The following LPP variants were observed in gnomAD, a reference collection of about 807,000 sequenced individuals.
The protein encoded by LPP is LIM domain containing preferred translocation partner in lipoma.
In LPP, 38 loss-of-function variants were observed where a neutral mutation model predicts 60.4. The ratio of observed to expected loss-of-function variants is 0.63; its 90% confidence interval spans 0.49 to 0.83. The LOEUF (loss-of-function observed/expected upper bound fraction) is 0.83. LPP is among the 40% of genes least tolerant of loss of function. The pLI is 0.00. For missense variants in LPP, 902 were observed against 783.6 expected (o/e 1.15, Z -1.80); for synonymous variants, 328 against 290.8 (o/e 1.13, Z -1.30).
chr3:188,788,831 C>T (rs948982869), intron 9 of LPP, among the ~76,000 whole-genome samples: 3 of 152,202 alleles, frequency 2.0e-5, no homozygotes, highest in African/African-American at 4.8e-5. Context: ...GTGAATCTTG[C>T]CAGCACTCAT....
chr3:188,872,551 C>A, intron 10 of LPP, 92 bp from the exon 11 acceptor site: 2 of 1,422,218 alleles, frequency 1.4e-6, no homozygotes, highest in Non-Finnish European at 2.0e-6. Flanking sequence ...GCAGGTATAC[C>A]GACTCTCAGT....
chr3:188,285,075 G>T (rs1333201993), intron 2 of LPP, among the ~76,000 whole-genome samples: 1 of 152,078 alleles, frequency 6.6e-6, no homozygotes, highest in Non-Finnish European at 1.5e-5. Context: ...CTGGTTGTGA[G>T]TCCCGGCCCT....
intron 6 of LPP, among the ~76,000 whole-genome samples, chr3:188,601,827 G>C (rs1218282759): frequency 6.6e-6 from 1 of 151,934 alleles, no homozygotes; most frequent in Admixed American, 6.6e-5. Flanking sequence ...CCAACATTTT[G>C]GGAGGCCAAG....
At chr3:188,512,997 A>G (rs912951591) in intron 5 of LPP, among the ~76,000 whole-genome samples, 1 of 152,198 alleles carries the variant, frequency 6.6e-6, no homozygotes, top group Non-Finnish European at 1.5e-5. Context: ...CAGCCCCCTC[A>G]CCACATATGA....
chr3:188,216,564 C>T (rs1228322088), intron 1 of LPP, among the ~76,000 whole-genome samples: 2 of 152,210 alleles, frequency 1.3e-5, no homozygotes, highest in African/African-American at 2.4e-5. Flanking sequence ...AGCCACCACA[C>T]CCCACCTAAC....
chr3:188,715,422 G>A (rs1276969066), intron 8 of LPP, among the ~76,000 whole-genome samples: 1 of 140,784 alleles, frequency 7.1e-6, no homozygotes, highest in African/African-American at 2.6e-5. Flanking sequence ...ATGGGGCGAT[G>A]AAGTAGCTGT....
At chr3:188,324,866 A>T (rs1757962352) in intron 2 of LPP, among the ~76,000 whole-genome samples, 1 of 152,194 alleles carries the variant, frequency 6.6e-6, no homozygotes, top group Non-Finnish European at 1.5e-5. Context: ...CACTGAGTTT[A>T]TCTGGGTGTA....
intron 2 of LPP, among the ~76,000 whole-genome samples, chr3:188,245,536 T>C (rs1287922970): frequency 6.6e-6 from 1 of 152,186 alleles, no homozygotes; most frequent in Non-Finnish European, 1.5e-5. Flanking sequence ...TTTGCCTTCC[T>C]TTTGCCTTTT....
intron 9 of LPP, among the ~76,000 whole-genome samples, chr3:188,853,915 C>A (rs1763239961): frequency 6.6e-6 from 1 of 151,840 alleles, no homozygotes; most frequent in Admixed American, 6.6e-5. Flanking sequence ...TTTCACTCTT[C>A]TAATTTTCAG....
chr3:188,660,739 A>G (rs553552152), intron 7 of LPP, among the ~76,000 whole-genome samples: 3 of 152,178 alleles, frequency 2.0e-5, no homozygotes, highest in African/African-American at 4.8e-5. Context: ...GCAAGTTCCC[A>G]TATACCCCCA....
chr3:188,289,837 T>A (rs1246375026), intron 2 of LPP, among the ~76,000 whole-genome samples: 2 of 152,198 alleles, frequency 1.3e-5, no homozygotes, highest in Non-Finnish European at 2.9e-5. Flanking sequence ...TTTAAGGACC[T>A]CTTAGGATTT....
intron 9 of LPP, among the ~76,000 whole-genome samples, chr3:188,791,522 GA>G (rs1282468543): frequency 6.6e-6 from 1 of 152,016 alleles, no homozygotes; most frequent in African/African-American, 2.4e-5. Context: ...TTAAGTGACT[GA>G]GATGAAATGC....
At chr3:188,583,032 G>A (rs1301030563) in intron 6 of LPP, among the ~76,000 whole-genome samples, 1 of 152,142 alleles carries the variant, frequency 6.6e-6, no homozygotes. Flanking sequence ...TAAAATGCAA[G>A]TCTGACTGTA....
intron 9 of LPP, among the ~76,000 whole-genome samples, chr3:188,856,202 C>T (rs1269179257): frequency 1.3e-5 from 2 of 152,150 alleles, no homozygotes; most frequent in Non-Finnish European, 2.9e-5. Context: ...CTTCTCTGTA[C>T]ACACTCTAAA....
intron 2 of LPP, among the ~76,000 whole-genome samples, chr3:188,271,602 T>A (rs1054653420): frequency 6.6e-6 from 1 of 152,228 alleles, no homozygotes; most frequent in African/African-American, 2.4e-5. Flanking sequence ...CACTTTGAGA[T>A]AAGGCATGAT....
At chr3:188,641,413 C>T (rs762553161) in intron 7 of LPP, among the ~76,000 whole-genome samples, 6 of 152,090 alleles carry the variant, frequency 3.9e-5, no homozygotes, top group East Asian at 1.9e-4. Flanking sequence ...GAGGATTATA[C>T]AGTATTTTTA....
intron 6 of LPP, among the ~76,000 whole-genome samples, chr3:188,608,730 A>C (rs991379337): frequency 6.6e-6 from 1 of 152,128 alleles, no homozygotes; most frequent in African/African-American, 2.4e-5. Context: ...TTAGATAGGG[A>C]TCTCACTGCA....
chr3:188,251,080 T>C (rs1453882504), intron 2 of LPP, among the ~76,000 whole-genome samples: 1 of 124,792 alleles, frequency 8.0e-6, no homozygotes, highest in Non-Finnish European at 1.6e-5. Flanking sequence ...TTTCTTTCTT[T>C]CTCTCTCTCT....
chr3:188,810,329 A>G (rs1250846045), intron 9 of LPP, among the ~76,000 whole-genome samples: 1 of 152,000 alleles, frequency 6.6e-6, no homozygotes, highest in African/African-American at 2.4e-5. Flanking sequence ...ATTTCAGGTT[A>G]CAGTAGTTTC....
Sources: allele counts gnomAD v4.1 joint callset (sites outside exome capture counted in the v4.1 genomes callset), GRCh38; gene constraint gnomAD v4.1.1; transcripts MANE v1.5; gene names NCBI Gene and HGNC (gene_info 2026-07-23, HGNC 2026-07-21).